Variants in MBOAT7 observed in about 807,000 individuals in gnomAD.
The protein encoded by MBOAT7 is membrane-bound acylglycerophosphatidylinositol O-acyltransferase MBOAT7.
Under a neutral mutation model 47.4 loss-of-function variants are expected in MBOAT7, and 40 were observed. The ratio of observed to expected loss-of-function variants is 0.84; its 90% CI spans 0.66 to 1.10. MBOAT7 has a LOEUF of 1.10. Ranked by LOEUF, MBOAT7 falls within the 50% of genes least tolerant of loss-of-function variation. The pLI is 0.00. For missense variants in MBOAT7, 680 were observed against 655.6 expected (o/e 1.04, Z -0.41); for synonymous variants, 361 against 292.0 (o/e 1.24, Z -2.41).
intron 5 of MBOAT7, among the ~76,000 whole-genome samples, chr19:54,181,625 G>A (rs2076273334): frequency 5.2e-5 from 7 of 133,650 alleles, no homozygotes; most frequent in Middle Eastern, 3.6e-3. Flanking sequence ...CAGGGAGGGA[G>A]GGAGGGAGGG....
Position 54,175,728 on chromosome 19 carries a change from TTTG to T in MBOAT7, c.1032-1300_1032-1298del, listed in dbSNP as rs765082818. On this transcript the variant is annotated intron_variant, in intron 7 of 7. Coordinates refer to ENST00000245615, the MANE Select transcript of MBOAT7 (RefSeq NM_024298.5). ...CCAAACTCAGCTAATTTCTGTATTTTTTGTTGTTGTTGTTCAGACGGAGTCTCG... is the reference window on the plus strand; with the variant it reads ...CCAAACTCAGCTAATTTCTGTATTTTTTGTTGTTGTTCAGACGGAGTCTCG... 1.2e-4 allele frequency among the ~76,000 whole-genome samples: 18 copies of T among 152,122 alleles called. 1 individual carries two copies. The highest frequency in any genetic ancestry group is 4.1e-4 in the South Asian group (2 of 4,826).
At chr19:54,186,493 G>A (rs1332078128) in intron 4 of MBOAT7, among the ~76,000 whole-genome samples, 1 of 152,172 alleles carries the variant, frequency 6.6e-6, no homozygotes, top group Non-Finnish European at 1.5e-5. Flanking sequence ...GCTCGTCCCA[G>A]AAAGTGGATG....
intron 5 of MBOAT7, among the ~76,000 whole-genome samples, chr19:54,183,280 C>G (rs553868058): frequency 1.3e-5 from 2 of 152,302 alleles, no homozygotes; most frequent in African/African-American, 4.8e-5. Context: ...TCTCTTTGCT[C>G]CCAATACGCT....
intron 7 of MBOAT7, 168 bp downstream of exon 7, chr19:54,178,597 G>A (rs757167925): frequency 3.1e-5 from 45 of 1,429,682 alleles, no homozygotes; most frequent in Middle Eastern, 2.6e-4. Flanking sequence ...ATTTTACACC[G>A]GCATGCTGCC....
At chr19:54,188,397 C>A (rs751136697) in intron 2 of MBOAT7, 36 bp downstream of exon 2, 4 of 1,588,260 alleles carry the variant, frequency 2.5e-6, no homozygotes, top group African/African-American at 1.4e-5. Flanking sequence ...AGGGTCCCCC[C>A]CCTTTATTTT....
rs746338307 is a variant in MBOAT7, at chr19:54,187,208, T to A, written c.286A>T (p.Thr96Ser). Residue 96 changes from threonine to serine, a missense_variant, in exon 4 of 8, where the codon ACT becomes TCT. Transcript: ENST00000245615. Reference protein sequence around the residue: ...FRALSLLGLPTPTPFTNAVQL... With the variant: ...FRALSLLGLPSPTPFTNAVQL... ...ACGGCATTGGTGAAGGGCGTGGGAG[T>A]GGGCAGGCCCAGGAGGCTGAGGGCT... is the stretch of plus-strand genomic sequence containing the variant. 2 of 1,599,696 alleles carry A rather than the reference T, an allele frequency of 1.3e-6. No homozygotes were observed. The highest frequency in any genetic ancestry group is 3.5e-5 in the Admixed American group (2 of 57,922).
In MBOAT7 at chr19:54,188,479, C is replaced by T. The variant is rs1386905325; in HGVS notation, c.30G>A (p.Val10=). 5 of 1,554,776 alleles carry T rather than the reference C, an allele frequency of 3.2e-6. No individual in the cohort carries two copies. The East Asian group carries it at 1.2e-4, about 38-fold the overall frequency. ...CGATGGGGATGGAGATAAGAAGAAC[C>T]ACTAGATACGTCCATTCTTCAGGCG... MSPEEWTYL[V]VLLISIPIGF... Residue 10 remains valine, a synonymous_variant, in exon 2 of 8, where the codon GTG becomes GTA. Coordinates refer to ENST00000245615, the MANE Select transcript of MBOAT7 (RefSeq NM_024298.5).
At chr19:54,175,256 GTGT>G (rs2076074714) in intron 7 of MBOAT7, among the ~76,000 whole-genome samples, 4 of 152,312 alleles carry the variant, frequency 2.6e-5, no homozygotes, top group South Asian at 4.1e-4. Context: ...GGGATCACAG[GTGT>G]CAGACACCAC....
At chr19:54,184,155 C>T (rs1006356579) in intron 4 of MBOAT7, among the ~76,000 whole-genome samples, 3 of 97,318 alleles carry the variant, frequency 3.1e-5, no homozygotes, top group African/African-American at 9.3e-5. Flanking sequence ...CCTTTAATCT[C>T]TCTCTCTTTT....
chr19:54,184,904 C>CAAAA (rs71195748), intron 4 of MBOAT7, among the ~76,000 whole-genome samples: 20,630 of 87,594 alleles, frequency 0.24, 1,984 homozygotes, highest in East Asian at 0.55. Context: ...AACTCCGTCT[C>CAAAA]AAAAAAAAAA....
At chr19:54,177,403 C>G (rs1365563684) in intron 7 of MBOAT7, among the ~76,000 whole-genome samples, 1 of 151,888 alleles carries the variant, frequency 6.6e-6, no homozygotes, top group Non-Finnish European at 1.5e-5. Context: ...TCACACCATT[C>G]TCCTGCCTCA....
intron 7 of MBOAT7, among the ~76,000 whole-genome samples, chr19:54,177,909 T>G (rs1244905156): frequency 0.045 from 2,890 of 64,316 alleles, 124 homozygotes; most frequent in East Asian, 0.2. Context: ...TGTTTTTTTT[T>G]TTTTTTTTTT....
At chr19:54,182,997 G>A (rs1057202915) in intron 5 of MBOAT7, among the ~76,000 whole-genome samples, 7 of 55,712 alleles carry the variant, frequency 1.3e-4, no homozygotes, top group East Asian at 4.7e-4. Context: ...CACTGCGCCC[G>A]GCCCTTTAAT....
chr19:54,183,853 C>G (rs760716945), intron 4 of MBOAT7, among the ~76,000 whole-genome samples, 173 bp from the exon 5 acceptor site: 1 of 152,210 alleles, frequency 6.6e-6, no homozygotes, highest in African/African-American at 2.4e-5. Flanking sequence ...GGCTCAGTCC[C>G]AGGCCCTCCT....
chr19:54,180,096 TC>T lies in MBOAT7; in HGVS notation c.854+676del, dbSNP rs1259399682. ...ATAGTTTCCAGGGGGAGGTTTGGCT[TC>T]CTTAGCAACAGTGTAACTGTAGTTG... On this transcript the variant is annotated intron_variant, in intron 6 of 7. Transcript: ENST00000245615. This position sits in a 1 kb window ranked among gnomAD's most constrained non-coding sequence, Gnocchi z 5.2. 1 of 152,208 alleles carries T rather than the reference TC, an allele frequency of 6.6e-6. No homozygotes were observed. The highest frequency in any genetic ancestry group is 1.9e-4 in the East Asian group (1 of 5,182). The allele number at this position is 152,208 out of a possible 1,614,324, so 9.4% of individuals were successfully genotyped here.
chr19:54,181,267 A>AT, intron 5 of MBOAT7, 134 bp from the exon 6 acceptor site: 1 of 1,101,734 alleles, frequency 9.1e-7, no homozygotes, highest in Non-Finnish European at 1.2e-6. Flanking sequence ...CGCCGGGGAG[A>AT]CCCCAAGGGT....
intron 4 of MBOAT7, among the ~76,000 whole-genome samples, chr19:54,183,937 C>T (rs762129074): frequency 3.9e-5 from 6 of 152,226 alleles, no homozygotes; most frequent in East Asian, 1.9e-4. Flanking sequence ...ACGCTGAGGA[C>T]GCCCAAACGC....
chr19:54,188,042 AAAG>A (rs2076493053), intron 3 of MBOAT7, among the ~76,000 whole-genome samples, 172 bp downstream of exon 3: 1 of 56,648 alleles, frequency 1.8e-5, no homozygotes, highest in African/African-American at 4.4e-5. Flanking sequence ...AGAAAGAAAG[AAAG>A]AAAGAAAGAA....
chr19:54,181,034 G>C lies in MBOAT7; in HGVS notation c.593C>G (p.Ala198Gly). 1 of 1,550,576 alleles carries C rather than the reference G, an allele frequency of 6.4e-7. No homozygotes were observed. The change falls in exon 6 of 8, where the codon GCC becomes GGC. Residue 198 changes from alanine (A) to glycine (G), a missense_variant. Coordinates refer to ENST00000245615, the MANE Select transcript of MBOAT7 (RefSeq NM_024298.5). Reference sequence around the variant, plus strand: ...CAGGAACAGCAGGCCGAAGAGCGGGGCCGGCCAGGCGCGGCGCAGCAGGGG... The same window carrying C: ...CAGGAACAGCAGGCCGAAGAGCGGGCCCGGCCAGGCGCGGCGCAGCAGGGG... ...LRPLLRRAWP[A>G]PLFGLLFLLS...
Sources: gnomAD v4.1 joint callset for allele counts (sites outside exome capture counted in the v4.1 genomes callset) on GRCh38, gnomAD v4.1.1 for gene constraint, Gnocchi (gnomAD v3.1) non-coding constraint, MANE v1.5 for transcripts, NCBI Gene and HGNC (gene_info 2026-07-23, HGNC 2026-07-21) for gene names.